The following ADAM22 variants were observed in gnomAD, a reference collection of about 807,000 sequenced individuals.
ADAM22 encodes ADAM metallopeptidase domain 22, also known as disintegrin and metalloproteinase domain-containing protein 22.
ADAM22 carries 65 observed loss-of-function variants against 144.6 expected under a neutral mutation model. The ratio of observed to expected loss-of-function variants is 0.45; its 90% CI spans 0.37 to 0.55. The LOEUF is 0.55. Ranked by LOEUF, ADAM22 falls within the 20% of genes least tolerant of loss-of-function variation. The pLI is 0.00. For synonymous variants in ADAM22, 391 were observed against 412.6 expected (o/e 0.95, Z 0.63); for missense variants, 974 against 1,184.9 (o/e 0.82, Z 2.61).
intron 2 of ADAM22, among the ~76,000 whole-genome samples, chr7:87,949,258 TTATTAGGAAAGGCAAAGCC>T (rs1193953306): frequency 1.3e-5 from 2 of 152,054 alleles, no homozygotes; most frequent in South Asian, 2.1e-4. Flanking sequence ...GAGTCAGGAT[TTATTAGGAAAGGCAAAGCC>T]TATTAGGAAA....
intron 22 of ADAM22, among the ~76,000 whole-genome samples, chr7:88,158,496 AT>A (rs1840636247): frequency 6.6e-6 from 1 of 152,124 alleles, no homozygotes; most frequent in South Asian, 2.1e-4. Flanking sequence ...TGACCACACA[AT>A]TGGACATAAA....
rs534502353 is a variant in ADAM22, at chr7:88,018,612, A to C, written c.323+40200A>C. On this transcript the variant is annotated intron_variant, in intron 3 of 31. Coordinates refer to ENST00000413139, the MANE Select transcript of ADAM22 (RefSeq NM_001324418.2). ...TTCCTTATTTGCAACATTTGTTGAC[A>C]ATAAGGCACATTGTGAAGAAAGAAA... 8.5e-5 allele frequency among the ~76,000 whole-genome samples: 13 copies of C among 152,342 alleles called. 1 individual carries two copies. In the South Asian group the frequency reaches 2.7e-3, roughly 32 times the overall value.
At chr7:87,972,051 C>T (rs1850593743) in intron 2 of ADAM22, among the ~76,000 whole-genome samples, 1 of 152,092 alleles carries the variant, frequency 6.6e-6, no homozygotes, top group South Asian at 2.1e-4. Context: ...GTCACCACTC[C>T]TATTCAACAT....
intron 3 of ADAM22, among the ~76,000 whole-genome samples, chr7:87,993,034 A>C (rs1790272598): frequency 6.6e-6 from 1 of 152,128 alleles, no homozygotes; most frequent in East Asian, 1.9e-4. Context: ...ATCATATAGG[A>C]GAAGAGAGGA....
At chr7:88,146,776 A>G (rs948248643) in intron 17 of ADAM22, among the ~76,000 whole-genome samples, 2 of 152,230 alleles carry the variant, frequency 1.3e-5, no homozygotes, top group East Asian at 1.9e-4. Flanking sequence ...ATAGATGTAC[A>G]GTTATGCCCC....
At chr7:87,943,966 C>T (rs942602198) in intron 2 of ADAM22, among the ~76,000 whole-genome samples, 2 of 152,028 alleles carry the variant, frequency 1.3e-5, no homozygotes, top group African/African-American at 2.4e-5. Context: ...GATGAGAAAT[C>T]GATGGTGCTT....
intron 7 of ADAM22, 142 bp downstream of exon 7, chr7:88,116,956 G>C: frequency 3.3e-6 from 2 of 603,236 alleles, no homozygotes; most frequent in Non-Finnish European, 2.8e-6. Context: ...GTCACGTCAA[G>C]AGGGAGAATA....
chr7:88,106,413 T>G lies in ADAM22; in HGVS notation c.391-1763T>G, dbSNP rs1054657062. Among the ~76,000 whole-genome samples, 6 of 152,178 alleles carry G rather than the reference T, an allele frequency of 3.9e-5. No homozygotes were observed. In the South Asian group the frequency reaches 1.0e-3, roughly 26 times the overall value. ...AGCAGTAGTCTCAGGCTAGGCTGGT[T>G]TCCTTGGAATTTCGGTGAAGAAAAT... On this transcript the variant is annotated intron_variant, in intron 4 of 31. Coordinates refer to ENST00000413139, the MANE Select transcript of ADAM22 (RefSeq NM_001324418.2).
intron 4 of ADAM22, among the ~76,000 whole-genome samples, chr7:88,076,147 C>T (rs1461910643): frequency 6.6e-6 from 1 of 152,176 alleles, no homozygotes; most frequent in Non-Finnish European, 1.5e-5. Flanking sequence ...AAGTGATTCT[C>T]CTGCCTCAGT....
chr7:88,005,136 A>G (rs142215573), intron 3 of ADAM22, among the ~76,000 whole-genome samples: 1 of 152,092 alleles, frequency 6.6e-6, no homozygotes, highest in East Asian at 1.9e-4. Flanking sequence ...CTCCAAACAA[A>G]ACACACACAC....
chr7:87,977,265 C>A (rs1342043724), intron 2 of ADAM22, among the ~76,000 whole-genome samples: 2 of 152,140 alleles, frequency 1.3e-5, no homozygotes, highest in East Asian at 3.9e-4. Flanking sequence ...TCTCTCCTTT[C>A]ACCTAATCTC....
chr7:88,158,608 C>T (rs1180104668), intron 22 of ADAM22, among the ~76,000 whole-genome samples: 1 of 151,840 alleles, frequency 6.6e-6, no homozygotes, highest in East Asian at 1.9e-4. Flanking sequence ...AATTTTTTTT[C>T]AAAACCATGC....
chr7:87,949,906 CATTG>C (rs1457049761), intron 2 of ADAM22, among the ~76,000 whole-genome samples: 3 of 149,588 alleles, frequency 2.0e-5, no homozygotes, highest in East Asian at 1.9e-4. Context: ...TAAATTATAA[CATTG>C]ATTAATATGT....
chr7:88,143,210 C>T (rs1466980574), intron 15 of ADAM22, 85 bp downstream of exon 15: 6 of 947,780 alleles, frequency 6.3e-6, no homozygotes, highest in Non-Finnish European at 9.7e-6. Flanking sequence ...GCTATTGAAT[C>T]TTAGAGAGCT....
rs1210872633 is a variant in ADAM22 at position 88,151,332 on chromosome 7, G to A, written c.1681+12G>A. 6.2e-7 allele frequency: 1 copy of A among 1,613,962 alleles called. No individual in the cohort carries two copies. Among genetic ancestry groups the A allele is most frequent in the South Asian group, 1.1e-5 (1 of 91,080 alleles). ...CATTTGGGGGCAAAGTAAGTAAATA[G>A]TGTGGCTTGATCATTGTTAAAGCAT... is the stretch of plus-strand genomic sequence containing the variant. On this transcript the variant is annotated intron_variant, in intron 20 of 31. Transcript: ENST00000413139.
In ADAM22 at chr7:88,113,687, TATAAATAA is replaced by T. The variant is rs1219225144; in HGVS notation, c.474-885_474-878del. 4.7e-3 allele frequency among the ~76,000 whole-genome samples: 324 copies of T among 68,952 alleles called. 1 individual carries two copies. Among genetic ancestry groups the T allele is most frequent in the Non-Finnish European group, 5.6e-3 (226 of 40,556 alleles). The allele number at this position is 68,952 out of a possible 152,430, so 45.2% of individuals were successfully genotyped here. On this transcript the variant is annotated intron_variant, in intron 5 of 31. Coordinates refer to ENST00000413139, the MANE Select transcript of ADAM22 (RefSeq NM_001324418.2). ...GTATATATATATATAATATATATATTATAAATAAATAAATAAATATATATATATATATA... is the reference window on the plus strand; with the variant it reads ...GTATATATATATATAATATATATATTATAAATAAATATATATATATATATA...
intron 29 of ADAM22, among the ~76,000 whole-genome samples, chr7:88,182,689 G>T (rs149626140): frequency 0.014 from 2,129 of 152,042 alleles, 42 homozygotes; most frequent in Admixed American, 0.056. Flanking sequence ...CATTTATAAT[G>T]AAGTAAATAA....
intron 4 of ADAM22, among the ~76,000 whole-genome samples, chr7:88,077,349 G>A (rs1814869205): frequency 6.6e-6 from 1 of 152,162 alleles, no homozygotes; most frequent in Non-Finnish European, 1.5e-5. Context: ...TGAAAAGAAT[G>A]CTATAATGAG....
intron 3 of ADAM22, among the ~76,000 whole-genome samples, chr7:87,993,740 G>C (rs530975400): frequency 6.6e-6 from 1 of 152,176 alleles, no homozygotes; most frequent in African/African-American, 2.4e-5. Context: ...TTCTCAGTCC[G>C]TGTATGTGAC....
Sources: allele counts gnomAD v4.1 joint callset (sites outside exome capture counted in the v4.1 genomes callset), GRCh38; gene constraint gnomAD v4.1.1; transcripts MANE v1.5; gene names NCBI Gene and HGNC (gene_info 2026-07-23, HGNC 2026-07-21).